Variants in SUSD4 observed in about 807,000 individuals in gnomAD.
SUSD4 encodes sushi domain-containing protein 4.
SUSD4 carries 41 observed loss-of-function variants against 50.5 expected under a neutral mutation model. The ratio of observed to expected loss-of-function variants is 0.81; its 90% confidence interval spans 0.63 to 1.05. SUSD4 has a LOEUF of 1.05. SUSD4 is among the 50% of genes least tolerant of loss of function. The pLI is 0.00. For synonymous variants in SUSD4, 257 were observed against 257.3 expected (o/e 1.00, Z 0.01); for missense variants, 580 against 634.7 (o/e 0.91, Z 0.93).
At chr1:223,319,934 C>G (rs1666470924) in intron 2 of SUSD4, among the ~76,000 whole-genome samples, 2 of 152,326 alleles carry the variant, frequency 1.3e-5, no homozygotes, top group South Asian at 2.1e-4. Context: ...AGTCGTACCA[C>G]TTATTAGGAA....
intron 2 of SUSD4, 54 bp from the exon 3 acceptor site, chr1:223,292,705 A>C (rs1190584977): frequency 8.9e-6 from 14 of 1,581,514 alleles, no homozygotes; most frequent in Non-Finnish European, 9.5e-6. Flanking sequence ...CTCAATGCCA[A>C]GGGCCTTCCT....
At chr1:223,315,522 C>T (rs551250005) in intron 2 of SUSD4, among the ~76,000 whole-genome samples, 6 of 152,292 alleles carry the variant, frequency 3.9e-5, no homozygotes, top group South Asian at 2.1e-4. Context: ...CTCCCTGGCC[C>T]GCCAAACTAT....
At chr1:223,270,220 C>A (rs1662813190) in intron 3 of SUSD4, among the ~76,000 whole-genome samples, 1 of 152,184 alleles carries the variant, frequency 6.6e-6, no homozygotes, top group Non-Finnish European at 1.5e-5. Context: ...TGCTTGTAAG[C>A]CCAGGTCTGC....
At chr1:223,306,961 T>C (rs1558235156) in intron 2 of SUSD4, among the ~76,000 whole-genome samples, 5 of 150,174 alleles carry the variant, frequency 3.3e-5, no homozygotes, top group Non-Finnish European at 7.4e-5. Context: ...GTTTTTTTTT[T>C]TGGGGGGGGG....
chr1:223,290,358 T>A lies in SUSD4; in HGVS notation c.361+2081A>T, dbSNP rs548989199. On this transcript the variant is annotated intron_variant, in intron 3 of 8. Coordinates refer to ENST00000366878, the MANE Select transcript of SUSD4 (RefSeq NM_017982.4). Reference sequence around the variant, plus strand: ...ATAGAATAAAGAAAGCCTAGAGTGTTAACAATCATGACTTTCTCTACTATC... The same window carrying A: ...ATAGAATAAAGAAAGCCTAGAGTGTAAACAATCATGACTTTCTCTACTATC... Among the ~76,000 whole-genome samples the A allele has an allele frequency of 2.6e-5, 4 of 152,328 alleles. No individual in the cohort carries two copies. In the South Asian group the frequency reaches 6.2e-4, roughly 24 times the overall value.
At chr1:223,235,457 C>A (rs1476841563) in intron 5 of SUSD4, among the ~76,000 whole-genome samples, 1 of 152,152 alleles carries the variant, frequency 6.6e-6, no homozygotes, top group Non-Finnish European at 1.5e-5. Context: ...ATCCACCATT[C>A]AAGTTATCAT....
At position 223,231,142 on chromosome 1, in the gene SUSD4, G is replaced by A. The variant is rs570993886; in HGVS notation, c.725-1754C>T. Among the ~76,000 whole-genome samples the A allele has an allele frequency of 1.7e-3, 261 of 152,202 alleles. 1 individual carries two copies. Among genetic ancestry groups the A allele is most frequent in the African/African-American group, 5.5e-3 (229 of 41,522 alleles). ...GTCTATCCCGCGGGAACTGGAGCCCGGGGAAACTCAGACCCCGCTGGAGAT... is the reference window on the plus strand; with the variant it reads ...GTCTATCCCGCGGGAACTGGAGCCCAGGGAAACTCAGACCCCGCTGGAGAT... On this transcript the variant is annotated intron_variant, in intron 5 of 8. Coordinates refer to ENST00000366878, the MANE Select transcript of SUSD4 (RefSeq NM_017982.4). This position sits in a 1 kb window ranked among gnomAD's most constrained non-coding sequence, Gnocchi z 4.2.
intron 2 of SUSD4, among the ~76,000 whole-genome samples, chr1:223,334,007 G>T (rs1459517808): frequency 6.6e-6 from 1 of 152,100 alleles, no homozygotes; most frequent in African/African-American, 2.4e-5. Flanking sequence ...GATTGCCCAG[G>T]AATAGATAAG....
Position 223,292,721 on chromosome 1 carries a change from AATGGCAGACCCTGCATG to A in SUSD4, c.149-87_149-71del, listed in dbSNP as rs1373022082. On this transcript the variant is annotated intron_variant, in intron 2 of 8. Coordinates refer to ENST00000366878, the MANE Select transcript of SUSD4 (RefSeq NM_017982.4). ...TCAATGCCAAGGGCCTTCCTACATA[AATGGCAGACCCTGCATG>A]ATGTCATACGCCTTGGACACTCCAG... 27 of 1,518,924 alleles carry A rather than the reference AATGGCAGACCCTGCATG, an allele frequency of 1.8e-5. No individual in the cohort carries two copies. In the African/African-American group the frequency reaches 1.9e-4, roughly 11 times the overall value. 94.1% of individuals were successfully genotyped at this position (1,518,924 alleles called of 1,614,324 possible). A position where few individuals can be genotyped will look rare whatever the true frequency, so the allele number is the denominator to read the frequency against.
intron 2 of SUSD4, among the ~76,000 whole-genome samples, chr1:223,294,183 T>C (rs910902248): frequency 6.6e-6 from 1 of 152,162 alleles, no homozygotes; most frequent in Non-Finnish European, 1.5e-5. Flanking sequence ...CATAACTCTA[T>C]GTAGATGGGG....
At position 223,225,673 on chromosome 1, in the gene SUSD4, C is replaced by A. The variant is rs1378837429; in HGVS notation, c.1061+1921G>T. ...TCCTCTTCTCACTCAGGACTCCCTG[C>A]CTCCTCACCATCCCTGGCACCTCCA... is the stretch of plus-strand genomic sequence containing the variant. On this transcript the variant is annotated intron_variant, in intron 7 of 8. Coordinates refer to ENST00000366878, the MANE Select transcript of SUSD4 (RefSeq NM_017982.4). Among the ~76,000 whole-genome samples the A allele has an allele frequency of 3.3e-5, 5 of 152,330 alleles. No homozygotes were observed. In the East Asian group the frequency reaches 9.6e-4, roughly 29 times the overall value.
intron 2 of SUSD4, among the ~76,000 whole-genome samples, chr1:223,298,443 T>C (rs933557623): frequency 1.3e-5 from 2 of 152,068 alleles, no homozygotes; most frequent in South Asian, 4.2e-4. Flanking sequence ...AATCCACAGC[T>C]CCAAACACTT....
At chr1:223,321,698 T>A (rs1666582742) in intron 2 of SUSD4, among the ~76,000 whole-genome samples, 1 of 152,226 alleles carries the variant, frequency 6.6e-6, no homozygotes, top group Non-Finnish European at 1.5e-5. Context: ...CCTTTGGCAA[T>A]CTGGTGAAGC....
rs187960026 is a variant in SUSD4, at chr1:223,306,438, T to C, written c.149-13787A>G. Reference sequence around the variant, plus strand: ...ACAGGAAGATGGTGGCAGGGAAGTCTTGCATTTGTAAGTTTTAAGATTATC... The same window carrying C: ...ACAGGAAGATGGTGGCAGGGAAGTCCTGCATTTGTAAGTTTTAAGATTATC... On this transcript the variant is annotated intron_variant, in intron 2 of 8. Transcript: ENST00000366878. Among the ~76,000 whole-genome samples the C allele has an allele frequency of 2.2e-3, 329 of 152,348 alleles. 4 individuals carry two copies. The Middle Eastern group carries it at 0.024, about 11-fold the overall frequency.
At chr1:223,264,507 A>G in intron 5 of SUSD4, 123 bp downstream of exon 5, 1 of 1,452,608 alleles carries the variant, frequency 6.9e-7, no homozygotes, top group South Asian at 1.6e-5. Flanking sequence ...GAGAAAAGTG[A>G]GAAAGATGTA....
intron 3 of SUSD4, among the ~76,000 whole-genome samples, chr1:223,271,851 G>A (rs1403036915): frequency 6.6e-6 from 1 of 152,192 alleles, no homozygotes; most frequent in African/African-American, 2.4e-5. Context: ...TTTAGTGTCT[G>A]ACAGTAAATG....
At chr1:223,328,173 T>C (rs1428251365) in intron 2 of SUSD4, among the ~76,000 whole-genome samples, 1 of 152,208 alleles carries the variant, frequency 6.6e-6, no homozygotes, top group Non-Finnish European at 1.5e-5. Context: ...AATGTCAACA[T>C]GTCCAAGCAT....
At chr1:223,333,556 TAGG>T (rs1553308550) in intron 2 of SUSD4, among the ~76,000 whole-genome samples, 2 of 151,912 alleles carry the variant, frequency 1.3e-5, no homozygotes, top group East Asian at 1.9e-4. Flanking sequence ...ACACAAAAAG[TAGG>T]AGAAGTGACA....
At chr1:223,226,146 A>G (rs1466120105) in intron 7 of SUSD4, among the ~76,000 whole-genome samples, 1 of 152,238 alleles carries the variant, frequency 6.6e-6, no homozygotes, top group Non-Finnish European at 1.5e-5. Context: ...ACTATCAATC[A>G]CAGCCTTGTG....
Sources: allele counts gnomAD v4.1 joint callset (sites outside exome capture counted in the v4.1 genomes callset), GRCh38; gene constraint gnomAD v4.1.1; non-coding constraint Gnocchi (gnomAD v3.1); transcripts MANE v1.5; gene names NCBI Gene and HGNC (gene_info 2026-07-23, HGNC 2026-07-21).